IGSF21: variants seen among roughly 807,000 people sequenced by gnomAD.
IGSF21 encodes the protein immunoglobulin superfamily member 21.
IGSF21 carries 28 observed loss-of-function variants against 46.8 expected under a neutral mutation model. The ratio of observed to expected loss-of-function variants is 0.60; its 90% confidence interval spans 0.44 to 0.82. The LOEUF (loss-of-function observed/expected upper bound fraction) is 0.82, where lower values mean the gene tolerates loss of function less well. IGSF21 is among the 40% of genes least tolerant of loss of function. The pLI is 0.00. For missense variants in IGSF21, 624 were observed against 665.5 expected, an observed-to-expected ratio of 0.94 and a Z score of 0.69; for synonymous variants, 284 against 273.6, an observed-to-expected ratio of 1.04 and a Z score of -0.38.
At chr1:18,252,344 C>A (rs573284277) in intron 2 of IGSF21, among the ~76,000 whole-genome samples, 1 of 152,162 alleles carries the variant, frequency 6.6e-6, no homozygotes, top group Admixed American at 6.5e-5. Flanking sequence ...CCACTGCACC[C>A]GGCCTGACCA....
intron 4 of IGSF21, among the ~76,000 whole-genome samples, chr1:18,355,713 G>A (rs138842885): frequency 7.2e-5 from 11 of 152,148 alleles, no homozygotes; most frequent in African/African-American, 1.7e-4. Context: ...TGATCATCAT[G>A]GTGGACTTAT....
chr1:18,176,715 C>T (rs756692825), intron 1 of IGSF21, among the ~76,000 whole-genome samples: 2 of 152,102 alleles, frequency 1.3e-5, no homozygotes, highest in Non-Finnish European at 2.9e-5. Flanking sequence ...GGAGGAGTTC[C>T]GGGGTCTCCA....
intron 2 of IGSF21, among the ~76,000 whole-genome samples, chr1:18,277,954 G>A (rs912265384): frequency 2.6e-5 from 4 of 152,156 alleles, no homozygotes; most frequent in South Asian, 2.1e-4. Context: ...ACTGGTGCAC[G>A]CATTTGCCAA....
intron 1 of IGSF21, among the ~76,000 whole-genome samples, chr1:18,123,512 A>G (rs1483139118): frequency 6.6e-6 from 1 of 152,234 alleles, no homozygotes; most frequent in Non-Finnish European, 1.5e-5. Flanking sequence ...CAGGCAAACA[A>G]ATAAATCATG....
intron 1 of IGSF21, among the ~76,000 whole-genome samples, chr1:18,211,837 TCTC>T (rs2084395670): frequency 6.6e-6 from 1 of 152,212 alleles, no homozygotes; most frequent in African/African-American, 2.4e-5. Context: ...CTCACACGTC[TCTC>T]CTCATGATTC....
chr1:18,173,757 GTATT>G (rs2086765694), intron 1 of IGSF21, among the ~76,000 whole-genome samples: 1 of 152,122 alleles, frequency 6.6e-6, no homozygotes, highest in African/African-American at 2.4e-5. Context: ...ATGTACGTAT[GTATT>G]TATTTATTTG....
At chr1:18,261,088 C>T (rs1168978425) in intron 2 of IGSF21, among the ~76,000 whole-genome samples, 1 of 152,194 alleles carries the variant, frequency 6.6e-6, no homozygotes, top group Non-Finnish European at 1.5e-5. Context: ...TGCTGGAGCA[C>T]CCAGCTGGGG....
chr1:18,360,524 T>C (rs556140681), intron 4 of IGSF21, among the ~76,000 whole-genome samples: 3 of 152,240 alleles, frequency 2.0e-5, no homozygotes, highest in African/African-American at 7.2e-5. Flanking sequence ...CGGCACCTAG[T>C]AGGTGTCAGG....
chr1:18,215,574 G>C (rs1225803959), intron 1 of IGSF21, among the ~76,000 whole-genome samples: 1 of 152,166 alleles, frequency 6.6e-6, no homozygotes, highest in Non-Finnish European at 1.5e-5. Context: ...AGTGATGGGG[G>C]CAAAGTGACG....
At chr1:18,315,068 C>T in intron 3 of IGSF21, among the ~76,000 whole-genome samples, 1 of 152,124 alleles carries the variant, frequency 6.6e-6, no homozygotes, top group East Asian at 1.9e-4. Flanking sequence ...CCAGGCAGTG[C>T]TTCCAGAGAT....
intron 2 of IGSF21, among the ~76,000 whole-genome samples, chr1:18,262,802 C>T (rs927784518): frequency 6.6e-6 from 1 of 152,216 alleles, no homozygotes; most frequent in Admixed American, 6.5e-5. Flanking sequence ...GCAAGCTTTA[C>T]TAGAGACCTG....
At chr1:18,223,736 C>T (rs1371028783) in intron 1 of IGSF21, among the ~76,000 whole-genome samples, 2 of 152,180 alleles carry the variant, frequency 1.3e-5, no homozygotes, top group Admixed American at 6.5e-5. Flanking sequence ...GTCGTGGCAT[C>T]GTACAAGGCA....
At position 18,337,379 on chromosome 1, in the gene IGSF21, A is replaced by G. The variant is rs1369559120; in HGVS notation, c.424+2369A>G. Among the ~76,000 whole-genome samples, 1 of 152,170 alleles carries G rather than the reference A, an allele frequency of 6.6e-6. No individual in the cohort carries two copies. The highest frequency in any genetic ancestry group is 1.5e-5 in the Non-Finnish European group (1 of 68,044). ...TTTGCAGAACGCCTACCTCATCAAG[A>G]ATATCATTGAAGAGCTCAGTTACTT... On this transcript the variant is annotated intron_variant, in intron 4 of 9. Transcript: ENST00000251296. The surrounding 1 kb of genome is among the most constrained non-coding windows in gnomAD (Gnocchi z 5.7).
intron 2 of IGSF21, among the ~76,000 whole-genome samples, chr1:18,268,926 A>T (rs777502266): frequency 9.9e-5 from 15 of 151,734 alleles, no homozygotes; most frequent in Non-Finnish European, 1.6e-4. Flanking sequence ...GGCCCACCTC[A>T]CTCTTGATGA....
In IGSF21 at chr1:18,337,017, G is replaced by T. The variant is rs775575826; in HGVS notation, c.424+2007G>T. The stretch of plus-strand genomic sequence containing the variant: ...CTATGATTCAGTTATCTCCCACTAG[G>T]TCCCTCCTACAACACATGGGAATTG... On this transcript the variant is annotated intron_variant, in intron 4 of 9. Coordinates refer to ENST00000251296, the MANE Select transcript of IGSF21 (RefSeq NM_032880.5). This position sits in a 1 kb window ranked among gnomAD's most constrained non-coding sequence, Gnocchi z 5.7. Among the ~76,000 whole-genome samples the T allele has an allele frequency of 1.1e-4, 17 of 152,170 alleles. No homozygotes were observed. Among genetic ancestry groups the T allele is most frequent in the Non-Finnish European group, 1.8e-4 (12 of 68,036 alleles).
At chr1:18,183,182 C>T (rs370330726) in intron 1 of IGSF21, among the ~76,000 whole-genome samples, 14 of 152,352 alleles carry the variant, frequency 9.2e-5, no homozygotes, top group African/African-American at 2.9e-4. Flanking sequence ...ACGATCTTAC[C>T]TTGCCCTGCA....
In IGSF21 at chr1:18,280,970, C is replaced by G. The variant is rs374773113; in HGVS notation, c.184-10896C>G. Among the ~76,000 whole-genome samples the G allele has an allele frequency of 2.4e-4, 36 of 152,322 alleles. No homozygotes were observed. The South Asian group carries it at 3.7e-3, about 16-fold the overall frequency. ...CCTGCACGCCAGTGCCATTTCCACT[C>G]CATGTCAGCAGCCTGCTGCTGAGCG... On this transcript the variant is annotated intron_variant, in intron 2 of 9. Transcript: ENST00000251296.
intron 3 of IGSF21, among the ~76,000 whole-genome samples, chr1:18,296,720 G>A (rs1376616638): frequency 1.3e-5 from 2 of 152,182 alleles, no homozygotes; most frequent in Non-Finnish European, 2.9e-5. Flanking sequence ...CCCATGGAAT[G>A]TGGCCATTCC....
chr1:18,329,984 T>G (rs1374183688), intron 3 of IGSF21, among the ~76,000 whole-genome samples: 2 of 152,202 alleles, frequency 1.3e-5, no homozygotes, highest in Non-Finnish European at 2.9e-5. Flanking sequence ...GTTGGTAAAC[T>G]CCAGCCGCTA....
Sources: gnomAD v4.1 joint callset for allele counts (sites outside exome capture counted in the v4.1 genomes callset) on GRCh38, gnomAD v4.1.1 for gene constraint, Gnocchi (gnomAD v3.1) non-coding constraint, MANE v1.5 for transcripts, NCBI Gene and HGNC (gene_info 2026-07-23, HGNC 2026-07-21) for gene names.